Variants in SLC14A2 observed in about 807,000 individuals in gnomAD.
The protein encoded by SLC14A2 is solute carrier family 14 member 2.
Under a neutral mutation model 104.6 loss-of-function variants are expected in SLC14A2, and 91 were observed. That is an observed-to-expected ratio of 0.87 (90% CI 0.73 to 1.04). The LOEUF (loss-of-function observed/expected upper bound fraction) is 1.04. SLC14A2 is among the 50% of genes least tolerant of loss of function. The pLI is 0.00. For missense variants in SLC14A2, 1,189 were observed against 1,156.0 expected (o/e 1.03, Z -0.41); for synonymous variants, 476 against 466.4 (o/e 1.02, Z -0.27).
At chr18:45,363,204 C>T (rs1287651018) in intron 1 of SLC14A2, among the ~76,000 whole-genome samples, 1 of 152,122 alleles carries the variant, frequency 6.6e-6, no homozygotes, top group Non-Finnish European at 1.5e-5. Flanking sequence ...CCAGCTGCTC[C>T]TCTGAAACCA....
At chr18:45,662,988 TAA>T (rs1394296874) in intron 10 of SLC14A2, among the ~76,000 whole-genome samples, 1 of 152,224 alleles carries the variant, frequency 6.6e-6, no homozygotes, top group Non-Finnish European at 1.5e-5. Flanking sequence ...TCCCAAGTGA[TAA>T]GAGTGCTCTG....
chr18:45,184,206 G>C, the SLC14A2 span, among the ~76,000 whole-genome samples: 1 of 151,974 alleles, frequency 6.6e-6, no homozygotes, highest in African/African-American at 2.4e-5. Context: ...TCTTACTATA[G>C]TCACACTGCT....
chr18:45,213,382 T>A (rs959847364), intron 1 of SLC14A2, among the ~76,000 whole-genome samples: 1 of 152,204 alleles, frequency 6.6e-6, no homozygotes, highest in African/African-American at 2.4e-5. Flanking sequence ...GTCAATTGTT[T>A]CAAAGAGATG....
intron 4 of SLC14A2, 60 bp downstream of exon 4, chr18:45,627,207 T>C (rs2045273724): frequency 6.8e-7 from 1 of 1,474,148 alleles, no homozygotes; most frequent in Non-Finnish European, 9.4e-7. Flanking sequence ...AGAGAGGTGT[T>C]TACTTGAGTA....
At chr18:45,662,603 C>T (rs758375920) in intron 10 of SLC14A2, among the ~76,000 whole-genome samples, 1 of 152,140 alleles carries the variant, frequency 6.6e-6, no homozygotes, top group African/African-American at 2.4e-5. Flanking sequence ...GGAGCTGAGT[C>T]ATGTGACTCA....
chr18:45,553,392 A>G (rs2044082792), intron 2 of SLC14A2, among the ~76,000 whole-genome samples: 1 of 152,018 alleles, frequency 6.6e-6, no homozygotes, highest in South Asian at 2.1e-4. Context: ...GATTCCTCCA[A>G]CCTCTCTGCT....
intron 1 of SLC14A2, among the ~76,000 whole-genome samples, chr18:45,251,587 T>C (rs1453667436): frequency 2.0e-5 from 3 of 152,200 alleles, no homozygotes; most frequent in African/African-American, 7.2e-5. Flanking sequence ...GACCTAGTTG[T>C]CTGCAGCGTT....
chr18:45,227,658 T>C (rs1478899478), intron 1 of SLC14A2, among the ~76,000 whole-genome samples: 1 of 152,158 alleles, frequency 6.6e-6, no homozygotes, highest in Non-Finnish European at 1.5e-5. Context: ...AGAGGCCACA[T>C]TGAAACTGTG....
chr18:45,390,590 T>TGACA lies in SLC14A2; in HGVS notation c.-124-92641_-124-92640insCAGA, dbSNP rs1555681533. 5.3e-5 allele frequency among the ~76,000 whole-genome samples: 8 copies of TGACA among 151,812 alleles called. No homozygotes were observed. In the South Asian group the frequency reaches 1.7e-3, roughly 32 times the overall value. On this transcript the variant is annotated intron_variant, in intron 1 of 20. Transcript: ENST00000586448. Reference sequence around the variant, plus strand: ...CTAATGGAGCCTATATTTTATTACCTGAGAGAATAATAAAAGATGCACACA... The same window carrying TGACA: ...CTAATGGAGCCTATATTTTATTACCTGACAGAGAGAATAATAAAAGATGCACACA...
At chr18:45,206,754 C>T in the SLC14A2 span, among the ~76,000 whole-genome samples, 1 of 152,114 alleles carries the variant, frequency 6.6e-6, no homozygotes, top group Non-Finnish European at 1.5e-5. Context: ...GCAACTCAGG[C>T]CTCTGGACAG....
intron 1 of SLC14A2, among the ~76,000 whole-genome samples, chr18:45,293,469 G>A (rs967967239): frequency 6.6e-6 from 1 of 151,938 alleles, no homozygotes; most frequent in African/African-American, 2.4e-5. Context: ...CAATGAGAGA[G>A]ACTAAAGGCA....
chr18:45,555,287 A>G (rs1013340082), intron 2 of SLC14A2, among the ~76,000 whole-genome samples: 2 of 152,234 alleles, frequency 1.3e-5, no homozygotes, highest in African/African-American at 2.4e-5. Context: ...ATTCAATGGT[A>G]TAATATAGTT....
intron 2 of SLC14A2, among the ~76,000 whole-genome samples, chr18:45,599,542 G>T (rs1213900032): frequency 6.6e-6 from 1 of 152,214 alleles, no homozygotes; most frequent in African/African-American, 2.4e-5. Context: ...GCTTGTGAAT[G>T]GAGGGACACC....
intron 1 of SLC14A2, among the ~76,000 whole-genome samples, chr18:45,280,786 A>G (rs1555671733): frequency 6.6e-6 from 1 of 151,998 alleles, no homozygotes; most frequent in Non-Finnish European, 1.5e-5. Flanking sequence ...CTGGCTTTTG[A>G]CCCCTGCCTT....
intron 13 of SLC14A2, 70 bp downstream of exon 13, chr18:45,667,164 A>T (rs186080453): frequency 4.1e-5 from 54 of 1,311,024 alleles, no homozygotes; most frequent in Middle Eastern, 5.1e-4. Flanking sequence ...CAGGAAACCC[A>T]TTGCCATGGG....
intron 1 of SLC14A2, among the ~76,000 whole-genome samples, chr18:45,295,174 C>G (rs773064181): frequency 6.6e-6 from 1 of 152,174 alleles, no homozygotes; most frequent in Non-Finnish European, 1.5e-5. Context: ...GCAGGCCTTT[C>G]CCATTCTGTT....
At chr18:45,301,360 G>A (rs948268757) in intron 1 of SLC14A2, among the ~76,000 whole-genome samples, 3 of 152,150 alleles carry the variant, frequency 2.0e-5, no homozygotes, top group Non-Finnish European at 4.4e-5. Flanking sequence ...TCCACGCTGG[G>A]GTGGGAGATG....
intron 1 of SLC14A2, among the ~76,000 whole-genome samples, chr18:45,294,258 T>C (rs1321583622): frequency 6.6e-6 from 1 of 152,210 alleles, no homozygotes; most frequent in Non-Finnish European, 1.5e-5. Flanking sequence ...AAGTATTACA[T>C]TTTTACTGAA....
the SLC14A2 span, among the ~76,000 whole-genome samples, chr18:45,184,210 C>T: frequency 1.3e-5 from 2 of 152,236 alleles, no homozygotes; most frequent in South Asian, 2.1e-4. Flanking sequence ...ACTATAGTCA[C>T]ACTGCTATTG....
Sources: gnomAD v4.1 joint callset for allele counts (sites outside exome capture counted in the v4.1 genomes callset) on GRCh38, gnomAD v4.1.1 for gene constraint, MANE v1.5 for transcripts, NCBI Gene and HGNC (gene_info 2026-07-23, HGNC 2026-07-21) for gene names.